IL18BP: variants seen among roughly 807,000 people sequenced by gnomAD.
The protein encoded by IL18BP is interleukin-18-binding protein.
IL18BP carries 23 observed loss-of-function variants against 19.9 expected under a neutral mutation model. That is an observed-to-expected ratio of 1.15 (90% confidence interval 0.83 to 1.64). The LOEUF (loss-of-function observed/expected upper bound fraction) is 1.64, where lower values mean the gene tolerates loss of function less well. Ranked by LOEUF, IL18BP falls within the 40% of genes most tolerant of loss-of-function variation. IL18BP has a pLI of 0.00. For missense variants in IL18BP, 239 were observed against 240.7 expected, an observed-to-expected ratio of 0.99 and a Z score of 0.05; for synonymous variants, 107 against 101.0, an observed-to-expected ratio of 1.06 and a Z score of -0.35.
chr11:72,000,663 C>T, intron 3 of IL18BP, 106 bp downstream of exon 3: 4 of 943,300 alleles, frequency 4.2e-6, no homozygotes, highest in Non-Finnish European at 6.5e-6. Flanking sequence ...CCAGCTGAGC[C>T]AGCTGGGCTG....
At chr11:72,003,043 C>A (rs781132578), downstream of IL18BP, 1 of 238,290 alleles carries the variant, frequency 4.2e-6, no homozygotes, top group Non-Finnish European at 8.3e-6. Context: ...AGGGCCCATC[C>A]GTCCTGGGAA....
Position 72,002,026 on chromosome 11 carries a change from C to T in IL18BP, c.*165C>T. ...TCTCTCACCAAATTCAAACTCCATT[C>T]CCACCTACCTAGAAAATCACAGCCT... On this transcript the variant is annotated 3_prime_UTR_variant, in exon 6 of 6. Coordinates refer to ENST00000393703, the MANE Select transcript of IL18BP (RefSeq NM_001039660.2). 1 of 963,506 alleles carries T rather than the reference C, an allele frequency of 1.0e-6. No homozygotes were observed. Among genetic ancestry groups the T allele is most frequent in the Non-Finnish European group, 1.5e-6 (1 of 646,522 alleles). The allele number at this position is 963,506 out of a possible 1,614,324, so 59.7% of individuals were successfully genotyped here. A position where few individuals can be genotyped will look rare whatever the true frequency, so the allele number is the denominator to read the frequency against.
At chr11:72,003,123 C>T (rs1055253850), downstream of IL18BP, 1 of 272,804 alleles carries the variant, frequency 3.7e-6, no homozygotes, top group African/African-American at 2.2e-5. Context: ...AGGGCCCCTG[C>T]TGGGCCCAGC....
At chr11:72,004,132 A>C (rs1012108439), downstream of IL18BP, 1 of 1,611,926 alleles carries the variant, frequency 6.2e-7, no homozygotes, top group Admixed American at 1.7e-5. Flanking sequence ...CGGGAGACCC[A>C]ATGCTGCCTT....
Position 72,002,727 on chromosome 11 carries a change from G to C in IL18BP, c.*866G>C, listed in dbSNP as rs1375576817. 1 of 179,008 alleles carries C rather than the reference G, an allele frequency of 5.6e-6. No homozygotes were observed. Among genetic ancestry groups the C allele is most frequent in the Admixed American group, 6.3e-5 (1 of 15,846 alleles). The allele number at this position is 179,008 out of a possible 1,614,324, so 11.1% of individuals were successfully genotyped here. ...GAGCAGAGGCCACTAATGGAGAGTG[G>C]GAAGAGCCTGGAAAGATGTGGCCTC... On this transcript the variant is annotated 3_prime_UTR_variant, in exon 6 of 6. Coordinates refer to ENST00000393703, the MANE Select transcript of IL18BP (RefSeq NM_001039660.2).
downstream of IL18BP, chr11:72,004,290 G>A: frequency 6.2e-7 from 1 of 1,613,496 alleles, no homozygotes; most frequent in Non-Finnish European, 8.5e-7. Flanking sequence ...CGCCCTTCAT[G>A]TCGGTCTCGG....
At position 72,001,836 on chromosome 11, in the gene IL18BP, A is replaced by C; in HGVS notation, c.560A>C (p.His187Pro). The change falls in exon 6 of 6, where the codon CAC becomes CCC. Residue 187 changes from histidine (H) to proline (P), a missense_variant. His to Pro is a moderately conservative substitution (Grantham distance 77). Transcript: ENST00000393703. ...ACCCAAGAAGCCCTGCCCTCCAGCCACAGCAGTCCACAGCAGCAGGGTTAA... is the reference window on the plus strand; with the variant it reads ...ACCCAAGAAGCCCTGCCCTCCAGCCCCAGCAGTCCACAGCAGCAGGGTTAA... ...PPTQEALPSSHSSPQQQG is the reference protein window; with the variant it reads ...PPTQEALPSSPSSPQQQG The C allele has an allele frequency of 6.2e-7, 1 of 1,614,066 alleles. No individual in the cohort carries two copies.
At position 72,000,395 on chromosome 11, in the gene IL18BP, A is replaced by G; in HGVS notation, c.73A>G (p.Thr25Ala). The change falls in exon 3 of 6, where the codon ACT becomes GCT. Residue 25 changes from threonine to alanine, a missense_variant. Physicochemically the swap from Thr to Ala is moderately conservative, Grantham distance 58 (BLOSUM62 0). Transcript: ENST00000393703. ...CCTGCTCCTGTGTGCCCACGTCGTC[A>G]CTCTCCTGGTCAGAGCCACACCTGT... ...WVLLLCAHVV[T>A]LLVRATPVSQ... is the part of the protein sequence containing the mutation. The G allele has an allele frequency of 1.9e-6, 3 of 1,613,430 alleles. No homozygotes were observed. The highest frequency in any genetic ancestry group is 2.5e-6 in the Non-Finnish European group (3 of 1,179,866).
At chr11:72,004,263 C>T (rs1219748377), downstream of IL18BP, 1 of 1,612,944 alleles carries the variant, frequency 6.2e-7, no homozygotes, top group Non-Finnish European at 8.5e-7. Flanking sequence ...TTCTGGGCCT[C>T]AGTAGTGCTC....
At chr11:71,999,810 A>C (rs982979985) in intron 1 of IL18BP, 117 bp from the exon 2 acceptor site, 2 of 624,840 alleles carry the variant, frequency 3.2e-6, no homozygotes, top group Admixed American at 5.7e-5. Context: ...CTCTGTTTCT[A>C]AGTGCTGAAA....
downstream of IL18BP, chr11:72,005,804 G>T (rs893135446): frequency 5.3e-6 from 3 of 563,630 alleles, no homozygotes; most frequent in African/African-American, 3.8e-5. Context: ...TGTCACAATT[G>T]TGCTGGGAAT....
chr11:72,007,650 C>T, downstream of IL18BP: 2 of 617,356 alleles, frequency 3.2e-6, no homozygotes, highest in Non-Finnish European at 5.7e-6. Flanking sequence ...CTCATAGTGG[C>T]AATGCCCAGA....
At chr11:72,006,758 G>A (rs1955745880), downstream of IL18BP, among the ~76,000 whole-genome samples, 2 of 152,142 alleles carry the variant, frequency 1.3e-5, no homozygotes, top group Admixed American at 6.5e-5. Context: ...CCCCCCTGCT[G>A]TACCAGGGGC....
At chr11:72,005,309 T>C (rs754387219), downstream of IL18BP, 3 of 1,608,430 alleles carry the variant, frequency 1.9e-6, no homozygotes, top group Non-Finnish European at 2.5e-6. Context: ...TGCAATGCGG[T>C]TCCAGTCATC....
chr11:72,004,233 T>G, downstream of IL18BP: 1 of 1,610,774 alleles, frequency 6.2e-7, no homozygotes, highest in Non-Finnish European at 8.5e-7. Context: ...ACCTGTTTAG[T>G]AGAAGCTGGA....
In IL18BP at chr11:72,000,161, G is replaced by T; in HGVS notation, c.28+149G>T. The stretch of plus-strand genomic sequence containing the variant: ...TTTAAGAACCTGGGCAGATATTGTA[G>T]CTCTGGCTCCAGTCTAAAGCTTCTC... On this transcript the variant is annotated intron_variant, in intron 2 of 5. Transcript: ENST00000393703. 6 of 947,832 alleles carry T rather than the reference G, an allele frequency of 6.3e-6. No homozygotes were observed. The South Asian group carries it at 9.1e-5, about 14-fold the overall frequency. The allele number at this position is 947,832 out of a possible 1,614,324, so 58.7% of individuals were successfully genotyped here.
chr11:72,007,227 G>A (rs771600697), downstream of IL18BP: 28 of 1,612,354 alleles, frequency 1.7e-5, no homozygotes, highest in African/African-American at 2.7e-5. Flanking sequence ...GTGGTGCGCC[G>A]ACGAGCGGAG....
In IL18BP at chr11:72,002,449, T is replaced by TAC; in HGVS notation, c.*588_*589insAC. On this transcript the variant is annotated 3_prime_UTR_variant, in exon 6 of 6. Transcript: ENST00000393703. ...CTAATGGACTGTTCCAGGGAAGGGA[T>TAC]GGGGGCAGCAGCTGCTTCGGATCCA... 3 of 154,304 alleles carry TAC rather than the reference T, an allele frequency of 1.9e-5. No homozygotes were observed. The highest frequency in any genetic ancestry group is 2.0e-4 in the South Asian group (1 of 4,944). 9.6% of individuals were successfully genotyped at this position (154,304 alleles called of 1,614,324 possible). A position where few individuals can be genotyped will look rare whatever the true frequency, so the allele number is the denominator to read the frequency against.
downstream of IL18BP, chr11:72,005,446 C>G: frequency 7.0e-7 from 1 of 1,431,800 alleles, no homozygotes; most frequent in Non-Finnish European, 9.6e-7. Flanking sequence ...TCTTGCCAGC[C>G]TTTGCTGCCA....
Sources: gnomAD v4.1 joint callset for allele counts (sites outside exome capture counted in the v4.1 genomes callset) on GRCh38, gnomAD v4.1.1 for gene constraint, MANE v1.5 for transcripts, NCBI Gene and HGNC (gene_info 2026-07-23, HGNC 2026-07-21) for gene names.